ALDH2: variants seen among roughly 807,000 people sequenced by gnomAD.
ALDH2 encodes the protein aldehyde dehydrogenase 2 family member.
In ALDH2, 44 loss-of-function variants were observed where a neutral mutation model predicts 59.6. The ratio of observed to expected loss-of-function variants is 0.74; its 90% CI spans 0.58 to 0.95. The LOEUF (loss-of-function observed/expected upper bound fraction) is 0.95, where lower values mean the gene tolerates loss of function less well. Among genes scored for constraint, ALDH2 ranks in the 40% least tolerant of loss-of-function variants. The pLI is 0.00. For missense variants in ALDH2, 570 were observed against 696.3 expected, an observed-to-expected ratio of 0.82 and a Z score of 2.04; for synonymous variants, 291 against 284.0, an observed-to-expected ratio of 1.02 and a Z score of -0.25.
intron 9 of ALDH2, among the ~76,000 whole-genome samples, chr12:111,793,774 C>A (rs534621858): frequency 1.3e-5 from 2 of 151,552 alleles, no homozygotes; most frequent in Admixed American, 6.6e-5. Context: ...TTAGTAGAGA[C>A]AGGGTTTCAC....
At position 111,792,704 on chromosome 12, in the gene ALDH2, T is replaced by G; in HGVS notation, c.1005T>G (p.Phe335Leu). Residue 335 changes from phenylalanine (F) to leucine (L), a missense_variant, in exon 9 of 13, where the codon TTT becomes TTG. Physicochemically the swap from Phe to Leu is conservative, Grantham distance 22. Transcript: ENST00000261733. ...TFVQEDIYDE[F>L]VERSVARAKS... ...TGCAGGAGGACATCTATGATGAGTT[T>G]GTGGAGCGGAGCGTTGCCCGGGCCA... is the stretch of plus-strand genomic sequence containing the variant. 1.9e-6 allele frequency: 3 copies of G among 1,599,522 alleles called. No homozygotes were observed. Among genetic ancestry groups the G allele is most frequent in the Non-Finnish European group, 2.6e-6 (3 of 1,173,508 alleles).
intron 11 of ALDH2, among the ~76,000 whole-genome samples, chr12:111,803,143 C>G (rs999962854): frequency 7.9e-5 from 12 of 151,504 alleles, no homozygotes; most frequent in African/African-American, 2.9e-4. Flanking sequence ...TGAGATCTCA[C>G]CACTGCACTC....
Position 111,792,591 on chromosome 12 carries a change from C to T in ALDH2, c.899-7C>T. 6.2e-7 allele frequency: 1 copy of T among 1,609,156 alleles called. No individual in the cohort carries two copies. The highest frequency in any genetic ancestry group is 8.5e-7 in the Non-Finnish European group (1 of 1,178,622). Reference sequence around the variant, plus strand: ...TCACCTTTCTGTCTCCTGCCCACTTCCCGCAGTGGATTGGGCCGTGGAACA... The same window carrying T: ...TCACCTTTCTGTCTCCTGCCCACTTTCCGCAGTGGATTGGGCCGTGGAACA... On this transcript the variant is annotated splice_polypyrimidine_tract_variant and splice_region_variant and intron_variant, in intron 8 of 12. Transcript: ENST00000261733.
At chr12:111,808,844 T>C (rs2068515977) in intron 12 of ALDH2, among the ~76,000 whole-genome samples, 1 of 151,432 alleles carries the variant, frequency 6.6e-6, no homozygotes, top group Non-Finnish European at 1.5e-5. Context: ...GCAGTGCAGG[T>C]GGAGAAAAGA....
chr12:111,813,118 A>G lies in ALDH2; in HGVS notation c.*3543A>G, dbSNP rs1337004809. On this transcript the variant is annotated 3_prime_UTR_variant, in exon 13 of 13. Coordinates refer to ENST00000261733, the MANE Select transcript of ALDH2 (RefSeq NM_000690.4). ...AGTGACAGGAACCCATTAGAACCTT[A>G]AGCAGCTGTCTGAAGTAAAAACAAA... 6.6e-6 allele frequency: 1 copy of G among 152,132 alleles called. No individual in the cohort carries two copies. The allele number at this position is 152,132 out of a possible 1,614,324, so 9.4% of individuals were successfully genotyped here.
intron 11 of ALDH2, among the ~76,000 whole-genome samples, chr12:111,802,298 G>A (rs1370124099): frequency 6.6e-6 from 1 of 151,796 alleles, no homozygotes. Flanking sequence ...TGTAATCCCA[G>A]CTACTTGGGA....
chr12:111,784,730 T>C (rs1020849554), intron 3 of ALDH2, among the ~76,000 whole-genome samples: 3 of 152,162 alleles, frequency 2.0e-5, no homozygotes, highest in African/African-American at 7.2e-5. Context: ...TTCTCCTGCC[T>C]CAGCCTCCCC....
intron 10 of ALDH2, among the ~76,000 whole-genome samples, chr12:111,799,535 C>G (rs79961638): frequency 6.0e-5 from 9 of 149,726 alleles, no homozygotes; most frequent in South Asian, 2.1e-4. Context: ...ACTCGAACTC[C>G]TAGACTCAAG....
At chr12:111,804,905 A>C (rs1013044563) in intron 12 of ALDH2, among the ~76,000 whole-genome samples, 3 of 152,216 alleles carry the variant, frequency 2.0e-5, no homozygotes, top group African/African-American at 7.2e-5. Context: ...TTTGATTTGC[A>C]ACTTCAATGA....
intron 12 of ALDH2, among the ~76,000 whole-genome samples, chr12:111,807,962 C>T (rs1260332442): frequency 6.6e-6 from 1 of 151,644 alleles, no homozygotes; most frequent in African/African-American, 2.4e-5. Flanking sequence ...CTGCAACCTC[C>T]GCCTCCCGGG....
chr12:111,783,393 C>G, intron 3 of ALDH2, 95 bp downstream of exon 3: 2 of 1,441,596 alleles, frequency 1.4e-6, no homozygotes, highest in Non-Finnish European at 1.9e-6. Context: ...CTGTGAACAG[C>G]CAGGGAACAC....
At chr12:111,794,428 A>T (rs1444512163) in intron 9 of ALDH2, among the ~76,000 whole-genome samples, 2 of 152,104 alleles carry the variant, frequency 1.3e-5, no homozygotes, top group Admixed American at 6.6e-5. Context: ...TGCATTTCTG[A>T]TTCCTCAGTG....
At chr12:111,809,219 C>T (rs984104552) in intron 12 of ALDH2, among the ~76,000 whole-genome samples, 2 of 152,122 alleles carry the variant, frequency 1.3e-5, no homozygotes, top group Non-Finnish European at 1.5e-5. Flanking sequence ...TTTGGGAGGC[C>T]CAGACAGGCG....
intron 1 of ALDH2, among the ~76,000 whole-genome samples, chr12:111,779,953 G>A (rs1389563864): frequency 1.3e-5 from 2 of 152,116 alleles, no homozygotes; most frequent in East Asian, 1.9e-4. Flanking sequence ...GTGCAATGGC[G>A]TGATCTTGGC....
At chr12:111,788,057 TA>T (rs1421204230) in intron 4 of ALDH2, among the ~76,000 whole-genome samples, 1 of 134,630 alleles carries the variant, frequency 7.4e-6, no homozygotes, top group Non-Finnish European at 1.6e-5. Context: ...AAATAAAAAA[TA>T]AAAAAATTAA....
intron 12 of ALDH2, among the ~76,000 whole-genome samples, chr12:111,808,889 G>A (rs2068516267): frequency 1.3e-5 from 2 of 152,066 alleles, no homozygotes; most frequent in Non-Finnish European, 2.9e-5. Flanking sequence ...AGTAGGATTG[G>A]CGACTCTGGA....
chr12:111,785,638 C>G (rs1449644732), intron 4 of ALDH2, among the ~76,000 whole-genome samples: 1 of 152,134 alleles, frequency 6.6e-6, no homozygotes, highest in Non-Finnish European at 1.5e-5. Context: ...GTAGAAGAAT[C>G]TCTTGATCCC....
intron 4 of ALDH2, among the ~76,000 whole-genome samples, chr12:111,787,252 C>A (rs1243002691): frequency 6.6e-6 from 1 of 151,974 alleles, no homozygotes; most frequent in African/African-American, 2.4e-5. Context: ...CCAACTTAAA[C>A]GATAGAGTCA....
intron 1 of ALDH2, among the ~76,000 whole-genome samples, chr12:111,777,552 G>T (rs1423854391): frequency 6.6e-6 from 1 of 152,172 alleles, no homozygotes; most frequent in Non-Finnish European, 1.5e-5. Flanking sequence ...GCTACAGGGG[G>T]AAGGAGAGAA....
Sources: allele counts gnomAD v4.1 joint callset (sites outside exome capture counted in the v4.1 genomes callset), GRCh38; gene constraint gnomAD v4.1.1; transcripts MANE v1.5; gene names NCBI Gene and HGNC (gene_info 2026-07-23, HGNC 2026-07-21).